The following NRG3 variants were observed in gnomAD, a reference collection of about 807,000 sequenced individuals.
NRG3 encodes pro-neuregulin-3, membrane-bound isoform.
NRG3 carries 31 observed loss-of-function variants against 66.9 expected under a neutral mutation model. The ratio of observed to expected loss-of-function variants is 0.46; its 90% confidence interval spans 0.35 to 0.63. NRG3 has a LOEUF of 0.63. NRG3 is among the 20% of genes least tolerant of loss of function. The pLI is 0.00. For missense variants in NRG3, 910 were observed against 878.9 expected (o/e 1.04, Z -0.45); for synonymous variants, 393 against 359.4 (o/e 1.09, Z -1.06).
intron 1 of NRG3, among the ~76,000 whole-genome samples, chr10:82,097,753 T>G (rs1475091601): frequency 6.6e-6 from 1 of 151,958 alleles, no homozygotes; most frequent in Non-Finnish European, 1.5e-5. Context: ...CCTGACAGCA[T>G]TTGGTAGTAT....
chr10:82,627,529 A>G (rs547488920), intron 2 of NRG3, among the ~76,000 whole-genome samples: 1 of 152,288 alleles, frequency 6.6e-6, no homozygotes, highest in Non-Finnish European at 1.5e-5. Context: ...TCAAAGCAAG[A>G]TGGCTGGCAA....
chr10:82,244,953 C>G (rs911490998), intron 1 of NRG3, among the ~76,000 whole-genome samples: 1 of 152,120 alleles, frequency 6.6e-6, no homozygotes, highest in African/African-American at 2.4e-5. Flanking sequence ...AGGCTGGTCT[C>G]AAACTCCTGA....
chr10:82,856,231 G>A (rs1485934897), intron 3 of NRG3, among the ~76,000 whole-genome samples: 1 of 152,106 alleles, frequency 6.6e-6, no homozygotes, highest in African/African-American at 2.4e-5. Context: ...AATACATATT[G>A]AGTGTCCACA....
intron 3 of NRG3, among the ~76,000 whole-genome samples, chr10:82,789,901 A>G (rs1024116441): frequency 6.6e-6 from 1 of 152,052 alleles, no homozygotes; most frequent in East Asian, 1.9e-4. Context: ...TTTTCACTTA[A>G]AACAATGTAG....
At chr10:82,238,270 T>C (rs2076847596) in intron 1 of NRG3, among the ~76,000 whole-genome samples, 1 of 152,006 alleles carries the variant, frequency 6.6e-6, no homozygotes, top group African/African-American at 2.4e-5. Flanking sequence ...CATCAATAAG[T>C]ATAGCAATCC....
intron 2 of NRG3, among the ~76,000 whole-genome samples, chr10:82,513,167 T>C (rs1478628641): frequency 6.6e-6 from 1 of 152,210 alleles, no homozygotes; most frequent in Non-Finnish European, 1.5e-5. Flanking sequence ...CCATATGTTC[T>C]CATTGTTCAG....
chr10:82,224,323 T>C (rs1045236215), intron 1 of NRG3: 1 of 152,222 alleles, frequency 6.6e-6, no homozygotes. Flanking sequence ...CTATACTCTT[T>C]TCTTTGCCAG....
chr10:82,019,404 T>G (rs1445885605), intron 1 of NRG3, among the ~76,000 whole-genome samples: 8 of 152,138 alleles, frequency 5.3e-5, no homozygotes, highest in Admixed American at 5.2e-4. Context: ...TCTGTTTTGT[T>G]TGTTGTGTCT....
chr10:82,760,116 G>C (rs1591436337), intron 3 of NRG3, among the ~76,000 whole-genome samples: 2 of 152,192 alleles, frequency 1.3e-5, no homozygotes, highest in East Asian at 3.9e-4. Flanking sequence ...GCTGTGGCTT[G>C]GAGGTTTAAT....
chr10:82,160,608 C>G (rs2071517207), intron 1 of NRG3, among the ~76,000 whole-genome samples: 1 of 151,602 alleles, frequency 6.6e-6, no homozygotes, highest in Non-Finnish European at 1.5e-5. Context: ...TTGCTTTTAA[C>G]CCAAGCAAGA....
intron 4 of NRG3, 50 bp from the exon 5 acceptor site, chr10:82,951,419 C>G (rs1452518362): frequency 1.4e-6 from 2 of 1,402,020 alleles, no homozygotes; most frequent in Non-Finnish European, 2.0e-6. Context: ...AAGATAGTTG[C>G]TGATGCACCC....
chr10:82,488,727 G>T (rs1842875866), intron 2 of NRG3, among the ~76,000 whole-genome samples: 1 of 152,146 alleles, frequency 6.6e-6, no homozygotes, highest in South Asian at 2.1e-4. Flanking sequence ...CATCTCCAGG[G>T]ATGGCATGAC....
intron 1 of NRG3, among the ~76,000 whole-genome samples, chr10:81,903,222 TAG>T (rs1405798598): frequency 6.6e-6 from 1 of 152,146 alleles, no homozygotes; most frequent in African/African-American, 2.4e-5. Flanking sequence ...AAAAATTTTT[TAG>T]AGACTCAGAG....
At chr10:82,322,536 G>A (rs1055126222) in intron 1 of NRG3, among the ~76,000 whole-genome samples, 1 of 150,682 alleles carries the variant, frequency 6.6e-6, no homozygotes, top group African/African-American at 2.5e-5. Context: ...TTCCATATTA[G>A]CTTTTTTTTT....
intron 2 of NRG3, among the ~76,000 whole-genome samples, chr10:82,566,596 G>A (rs2041328585): frequency 6.6e-6 from 1 of 151,702 alleles, no homozygotes; most frequent in Non-Finnish European, 1.5e-5. Context: ...GGACAGAAAG[G>A]GAAAACATAT....
chr10:82,589,435 A>G (rs1268488729), intron 2 of NRG3, among the ~76,000 whole-genome samples: 2 of 152,196 alleles, frequency 1.3e-5, no homozygotes, highest in African/African-American at 4.8e-5. Context: ...TGTCACTACT[A>G]GAGAGAAACT....
intron 2 of NRG3, among the ~76,000 whole-genome samples, chr10:82,495,813 C>CACACACACACACACACAA (rs1378569532): frequency 6.0e-5 from 9 of 150,138 alleles, no homozygotes; most frequent in South Asian, 2.1e-4. Context: ...AGAGTGCAGA[C>CACACACACACACACACAA]ACACACACAC....
rs1466143735 is a variant in NRG3, at chr10:81,875,797, C to A, written c.457C>A (p.Arg153=). ...GGAASSRTPN[R]ISTRLTTITR... Reference sequence around the variant, plus strand: ...TGCCGCCTCCTCCAGGACGCCCAACCGGATTAGCACTCGCCTGACCACCAT... The same window carrying A: ...TGCCGCCTCCTCCAGGACGCCCAACAGGATTAGCACTCGCCTGACCACCAT... The change falls in exon 1 of 9, where the codon CGG becomes AGG. Residue 153 remains arginine (R), a synonymous_variant. Transcript: ENST00000372141. The surrounding 1 kb of genome is among the most constrained non-coding windows in gnomAD (Gnocchi z 5.3). The A allele has an allele frequency of 3.1e-6, 5 of 1,610,338 alleles. No homozygotes were observed. Among genetic ancestry groups the A allele is most frequent in the Admixed American group, 3.3e-5 (2 of 60,006 alleles).
At chr10:82,290,639 T>G (rs7083873) in intron 1 of NRG3, among the ~76,000 whole-genome samples, 53 of 45,322 alleles carry the variant, frequency 1.2e-3, no homozygotes, top group Middle Eastern at 0.01. Flanking sequence ...CTTCAAATGA[T>G]TTTTTTTTTT....
Sources: allele counts gnomAD v4.1 joint callset (sites outside exome capture counted in the v4.1 genomes callset), GRCh38; gene constraint gnomAD v4.1.1; non-coding constraint Gnocchi (gnomAD v3.1); transcripts MANE v1.5; gene names NCBI Gene and HGNC (gene_info 2026-07-23, HGNC 2026-07-21).